The following MERTK variants were observed in gnomAD, a reference collection of about 807,000 sequenced individuals.
The protein encoded by MERTK is tyrosine-protein kinase Mer.
MERTK carries 69 observed loss-of-function variants against 99.3 expected under a neutral mutation model. That is an observed-to-expected ratio of 0.70 (90% CI 0.57 to 0.85). The LOEUF (loss-of-function observed/expected upper bound fraction) is 0.85. Ranked by LOEUF, MERTK falls within the 40% of genes least tolerant of loss-of-function variation. The pLI is 0.00. For missense variants in MERTK, 1,125 were observed against 1,249.4 expected, an observed-to-expected ratio of 0.90 and a Z score of 1.50; for synonymous variants, 426 against 467.6, an observed-to-expected ratio of 0.91 and a Z score of 1.15.
intron 1 of MERTK, among the ~76,000 whole-genome samples, chr2:111,910,015 G>A (rs544583713): frequency 3.3e-5 from 5 of 152,286 alleles, no homozygotes; most frequent in South Asian, 4.1e-4. Flanking sequence ...GCCAAGCTAA[G>A]GAATCAGTCT....
Position 111,920,998 on chromosome 2 carries a change from T to A in MERTK, c.62-8122T>A, listed in dbSNP as rs542048142. On this transcript the variant is annotated intron_variant, in intron 1 of 18. Transcript: ENST00000295408. ...AGGAATCCTTTGGGTATTGCATAAATAGTACTAAGTAGAAAATTTCCTTTT... is the reference window on the plus strand; with the variant it reads ...AGGAATCCTTTGGGTATTGCATAAAAAGTACTAAGTAGAAAATTTCCTTTT... 2.6e-5 allele frequency among the ~76,000 whole-genome samples: 4 copies of A among 152,242 alleles called. 1 individual carries two copies. In the East Asian group the frequency reaches 7.7e-4, roughly 29 times the overall value.
At chr2:111,952,428 G>C (rs1414771151) in intron 4 of MERTK, 2 of 154,732 alleles carry the variant, frequency 1.3e-5, no homozygotes, top group African/African-American at 2.4e-5. Flanking sequence ...ACAGGAACAA[G>C]AACTATTTGT....
At chr2:111,935,741 A>G (rs1684753486) in intron 2 of MERTK, among the ~76,000 whole-genome samples, 4 of 151,672 alleles carry the variant, frequency 2.6e-5, no homozygotes, top group Non-Finnish European at 5.9e-5. Context: ...GAAAATACCA[A>G]ACATACAAAG....
chr2:111,985,504 C>G (rs1676459381), intron 8 of MERTK, among the ~76,000 whole-genome samples: 1 of 152,166 alleles, frequency 6.6e-6, no homozygotes, highest in Admixed American at 6.5e-5. Flanking sequence ...CAATCTAACC[C>G]TAGTGACAGA....
At position 111,929,478 on chromosome 2, in the gene MERTK, A is replaced by C. The variant is rs764113900; in HGVS notation, c.420A>C (p.Ala140=). The C allele has an allele frequency of 6.2e-6, 10 of 1,614,202 alleles. No homozygotes were observed. Among genetic ancestry groups the C allele is most frequent in the Middle Eastern group, 1.6e-4 (1 of 6,062 alleles). The change falls in exon 2 of 19, where the codon GCA becomes GCC. Residue 140 remains alanine (A), a synonymous_variant. Coordinates refer to ENST00000295408, the MANE Select transcript of MERTK (RefSeq NM_006343.3). ...AAGATGGGAAGGAATTGCTTGGGGC[A>C]CATCATGCAATTACACAGTTTTATC... ...WWKDGKELLG[A]HHAITQFYPD...
At position 111,964,043 on chromosome 2, in the gene MERTK, C is replaced by CTTTTTTTT. The variant is rs56693776; in HGVS notation, c.758-1143_758-1136dup. ...GTTTCTCCACTCAAAAATTTTCTTT[C>CTTTTTTTT]TTTTTTTTTTTTGCTCTTTCCATAA... On this transcript the variant is annotated intron_variant, in intron 4 of 18. Transcript: ENST00000295408. 3.8e-4 allele frequency among the ~76,000 whole-genome samples: 39 copies of CTTTTTTTT among 103,864 alleles called. 3 individuals are homozygous for CTTTTTTTT. Among genetic ancestry groups the CTTTTTTTT allele is most frequent in the African/African-American group, 5.0e-4 (14 of 28,150 alleles). 68.1% of individuals were successfully genotyped at this position (103,864 alleles called of 152,430 possible).
chr2:111,989,505 G>A lies in MERTK; in HGVS notation c.1297-4746G>A, dbSNP rs556868439. Among the ~76,000 whole-genome samples the A allele has an allele frequency of 1.2e-4, 19 of 152,046 alleles. No homozygotes were observed. The East Asian group carries it at 1.6e-3, about 12-fold the overall frequency. ...CCGAGTACTGGGACTACAGGCGCCC[G>A]CCACCACGCCCGGCTAATTTTCTGT... On this transcript the variant is annotated intron_variant, in intron 8 of 18. Transcript: ENST00000295408.
At chr2:111,916,782 C>A (rs552689293) in intron 1 of MERTK, among the ~76,000 whole-genome samples, 40 of 152,150 alleles carry the variant, frequency 2.6e-4, no homozygotes, top group African/African-American at 8.9e-4. Flanking sequence ...CATTTTGAGA[C>A]CCTGGATCTT....
At chr2:111,987,183 G>T (rs1676496305) in intron 8 of MERTK, among the ~76,000 whole-genome samples, 2 of 152,152 alleles carry the variant, frequency 1.3e-5, no homozygotes, top group African/African-American at 2.4e-5. Context: ...TAAGGGTGGG[G>T]TTTTTCATGT....
Position 111,951,525 on chromosome 2 carries a change from A to ATATATATATATATATATATATATG in MERTK, c.757+3981_757+3982insGTATATATATATATATATATATAT, listed in dbSNP as rs1491020050. Among the ~76,000 whole-genome samples the ATATATATATATATATATATATATG allele has an allele frequency of 2.0e-4, 6 of 29,762 alleles. 1 individual carries two copies. Among genetic ancestry groups the ATATATATATATATATATATATATG allele is most frequent in the Non-Finnish European group, 4.1e-4 (5 of 12,166 alleles). 19.5% of individuals were successfully genotyped at this position (29,762 alleles called of 152,430 possible). A position where few individuals can be genotyped will look rare whatever the true frequency, so the allele number is the denominator to read the frequency against. On this transcript the variant is annotated intron_variant, in intron 4 of 18. Transcript: ENST00000295408. ...TGTACACGCTGAATAATATTCCCAT[A>ATATATATATATATATATATATATG]TATATATATATATATATATATATAC... is the stretch of plus-strand genomic sequence containing the variant.
intron 1 of MERTK, among the ~76,000 whole-genome samples, chr2:111,909,415 A>G (rs1684199733): frequency 6.6e-6 from 1 of 152,186 alleles, no homozygotes; most frequent in Non-Finnish European, 1.5e-5. Flanking sequence ...GGATTAAACA[A>G]GTTTTACTGG....
At position 111,903,626 on chromosome 2, in the gene MERTK, C is replaced by T. The variant is rs1323979606; in HGVS notation, c.61+4830C>T. Among the ~76,000 whole-genome samples, 3 of 152,186 alleles carry T rather than the reference C, an allele frequency of 2.0e-5. No homozygotes were observed. In the South Asian group the frequency reaches 6.2e-4, roughly 31 times the overall value. On this transcript the variant is annotated intron_variant, in intron 1 of 18. Coordinates refer to ENST00000295408, the MANE Select transcript of MERTK (RefSeq NM_006343.3). ...GGCTCTGAATTGGTATGTTTCTCAG[C>T]AGGAGATTAATTATTATAAAAACTG...
chr2:111,996,167 C>G (rs146243215), intron 9 of MERTK: 1 of 153,536 alleles, frequency 6.5e-6, no homozygotes, highest in East Asian at 1.9e-4. Context: ...CCTTACCTTG[C>G]AGGGCTCCAG....
intron 18 of MERTK, 110 bp from the exon 19 acceptor site, chr2:112,028,241 G>A (rs1677510312): frequency 1.7e-6 from 2 of 1,200,426 alleles, no homozygotes; most frequent in Non-Finnish European, 2.4e-6. Context: ...ATAAAAAGTA[G>A]AATGAATGCT....
chr2:111,967,446 T>A (rs1394672063), intron 5 of MERTK, among the ~76,000 whole-genome samples: 2 of 152,048 alleles, frequency 1.3e-5, no homozygotes, highest in Non-Finnish European at 2.9e-5. Flanking sequence ...GAAATAAGAT[T>A]CCCCAAATTT....
chr2:112,024,230 G>A lies in MERTK; in HGVS notation c.2486+1836G>A, dbSNP rs537469433. 1.0e-3 allele frequency among the ~76,000 whole-genome samples: 156 copies of A among 152,350 alleles called. 1 individual carries two copies. The highest frequency in any genetic ancestry group is 3.7e-3 in the African/African-American group (154 of 41,576). On this transcript the variant is annotated intron_variant, in intron 18 of 18. Transcript: ENST00000295408. ...TCAAACAATGTTGACTATGGAAAGA[G>A]TTTTGTTGCAGTTTCTTTCTGAGCT...
intron 7 of MERTK, 112 bp from the exon 8 acceptor site, chr2:111,982,730 T>G: frequency 8.5e-7 from 1 of 1,176,084 alleles, no homozygotes; most frequent in South Asian, 1.2e-5. Context: ...CTTGGTCTCA[T>G]TTGAGTGCTT....
At chr2:111,915,552 T>G (rs895608755) in intron 1 of MERTK, among the ~76,000 whole-genome samples, 1 of 145,480 alleles carries the variant, frequency 6.9e-6, no homozygotes, top group African/African-American at 2.6e-5. Context: ...TTATTTTCAT[T>G]TAGTTCAACG....
intron 1 of MERTK, among the ~76,000 whole-genome samples, chr2:111,919,567 T>C (rs537029427): frequency 1.5e-4 from 23 of 152,018 alleles, no homozygotes; most frequent in African/African-American, 5.3e-4. Flanking sequence ...GTGCCCCCCA[T>C]GGTAGGGACA....
Sources: gnomAD v4.1 joint callset for allele counts (sites outside exome capture counted in the v4.1 genomes callset) on GRCh38, gnomAD v4.1.1 for gene constraint, MANE v1.5 for transcripts, NCBI Gene and HGNC (gene_info 2026-07-23, HGNC 2026-07-21) for gene names.